The following ANKRD16 variants were observed in gnomAD, a reference collection of about 807,000 sequenced individuals.
ANKRD16 encodes ankyrin repeat domain 16, also known as ankyrin repeat domain-containing protein 16.
A neutral mutation model predicts 37.9 loss-of-function variants in ANKRD16; 35 were observed. The observed-to-expected ratio is 0.92, with a 90% CI of 0.71 to 1.23. ANKRD16 has a LOEUF of 1.23. Among genes scored for constraint, ANKRD16 ranks in the 50% most tolerant of loss-of-function variants. ANKRD16 has a pLI of 0.00. For synonymous variants in ANKRD16, 206 were observed against 197.2 expected, an observed-to-expected ratio of 1.04 and a Z score of -0.37; for missense variants, 480 against 469.9, an observed-to-expected ratio of 1.02 and a Z score of -0.20.
Position 5,885,733 on chromosome 10 carries a change from G to C in ANKRD16, c.568C>G (p.Leu190Val). 6.2e-7 allele frequency: 1 copy of C among 1,609,682 alleles called. No homozygotes were observed. The highest frequency in any genetic ancestry group is 8.5e-7 in the Non-Finnish European group (1 of 1,178,910). The change falls in exon 3 of 8, where the codon CTT becomes GTT. Residue 190 changes from leucine to valine, a missense_variant. By Grantham distance (32) the Leu-to-Val change is conservative (BLOSUM62 1). Transcript: ENST00000380094. ...CTGTATTGTTCTTACCTCTTAAGAA[G>C]CACCTTGACTGCCTCCAAATGGCCA... is the stretch of plus-strand genomic sequence containing the variant. Reference protein sequence around the residue: ...MHGHLEAVKVLLKRCQYEPDY... With the variant: ...MHGHLEAVKVVLKRCQYEPDY...
At position 5,871,964 on chromosome 10, in the gene ANKRD16, C is replaced by T. The variant is rs983201598; in HGVS notation, c.*33+6133G>A. Among the ~76,000 whole-genome samples, 1 of 152,168 alleles carries T rather than the reference C, an allele frequency of 6.6e-6. No individual in the cohort carries two copies. Among genetic ancestry groups the T allele is most frequent in the Non-Finnish European group, 1.5e-5 (1 of 68,026 alleles). Reference sequence around the variant, plus strand: ...CTCCCACCCACTCGCATGGCCCAACCTCCAGTGATCAAATCCAACAGCCGT... The same window carrying T: ...CTCCCACCCACTCGCATGGCCCAACTTCCAGTGATCAAATCCAACAGCCGT... On this transcript the variant is annotated intron_variant, in intron 7 of 7. Transcript: ENST00000380094. The surrounding 1 kb of genome is among the most constrained non-coding windows in gnomAD (Gnocchi z 4.5).
intron 7 of ANKRD16, among the ~76,000 whole-genome samples, chr10:5,873,832 G>A (rs896843221): frequency 3.3e-5 from 5 of 151,258 alleles, no homozygotes; most frequent in African/African-American, 9.7e-5. Context: ...GGTAATATAT[G>A]TTAGGTCCTC....
chr10:5,862,393 C>A lies in ANKRD16; in HGVS notation c.*332G>T. The A allele has an allele frequency of 2.3e-6, 1 of 440,760 alleles. No individual in the cohort carries two copies. The highest frequency in any genetic ancestry group is 1.6e-5 in the South Asian group (1 of 61,548). 27.3% of individuals were successfully genotyped at this position (440,760 alleles called of 1,614,324 possible). ...CAGAGGCAGAAGGCACCACCTCAATCTGGGCCTGTCTGCTGTGGCTGGTCA... is the reference window on the plus strand; with the variant it reads ...CAGAGGCAGAAGGCACCACCTCAATATGGGCCTGTCTGCTGTGGCTGGTCA... On this transcript the variant is annotated 3_prime_UTR_variant, in exon 8 of 8. Coordinates refer to ENST00000380094, the MANE Select transcript of ANKRD16 (RefSeq NM_019046.3). This position sits in a 1 kb window ranked among gnomAD's most constrained non-coding sequence, Gnocchi z 6.5.
At chr10:5,887,174 G>T (rs1333099182) in intron 2 of ANKRD16, among the ~76,000 whole-genome samples, 1 of 152,108 alleles carries the variant, frequency 6.6e-6, no homozygotes, top group East Asian at 1.9e-4. Context: ...ATTATTATTT[G>T]GTTGATGAGG....
At position 5,868,523 on chromosome 10, in the gene ANKRD16, C is replaced by T. The variant is rs577863333; in HGVS notation, c.*34-5832G>A. On this transcript the variant is annotated intron_variant, in intron 7 of 7. Transcript: ENST00000380094. This position sits in a 1 kb window ranked among gnomAD's most constrained non-coding sequence, Gnocchi z 4.9. Reference sequence around the variant, plus strand: ...CACTCTATAAAAATGCACCAATCAGCGCTCTGTGTCTAGCTAAAGGATTGT... The same window carrying T: ...CACTCTATAAAAATGCACCAATCAGTGCTCTGTGTCTAGCTAAAGGATTGT... 4.6e-5 allele frequency among the ~76,000 whole-genome samples: 7 copies of T among 152,276 alleles called. No individual in the cohort carries two copies. Among genetic ancestry groups the T allele is most frequent in the African/African-American group, 1.2e-4 (5 of 41,564 alleles).
In ANKRD16 at chr10:5,865,796, G is replaced by A. The variant is rs904453634; in HGVS notation, c.*34-3105C>T. Among the ~76,000 whole-genome samples the A allele has an allele frequency of 5.3e-5, 8 of 152,180 alleles. No individual in the cohort carries two copies. Among genetic ancestry groups the A allele is most frequent in the African/African-American group, 1.9e-4 (8 of 41,426 alleles). On this transcript the variant is annotated intron_variant, in intron 7 of 7. Transcript: ENST00000380094. This position sits in a 1 kb window ranked among gnomAD's most constrained non-coding sequence, Gnocchi z 4.7. ...TGATTTGTTGTCCCCTGCTTGAGGA[G>A]GGAATCAACCCTGAAGTCTGGGCAT... is the stretch of plus-strand genomic sequence containing the variant.
At chr10:5,872,709 A>G (rs912658575) in intron 7 of ANKRD16, among the ~76,000 whole-genome samples, 17 of 151,244 alleles carry the variant, frequency 1.1e-4, no homozygotes, top group East Asian at 6.0e-4. Context: ...GGCGCCCGCC[A>G]CCACACCCGG....
At position 5,884,002 on chromosome 10, in the gene ANKRD16, G is replaced by C. The variant is rs140216893; in HGVS notation, c.654C>G (p.Ile218Met). The C allele has an allele frequency of 6.2e-7, 1 of 1,614,086 alleles. No homozygotes were observed. The highest frequency in any genetic ancestry group is 1.7e-5 in the Admixed American group (1 of 60,032). ...CATCGAGGAGCAGCCTAGCGACGTCGATGTGCCCACACTGGATTGCGTCCA... is the reference window on the plus strand; with the variant it reads ...CATCGAGGAGCAGCCTAGCGACGTCCATGTGCCCACACTGGATTGCGTCCA... ...ALMDAIQCGHIDVARLLLDEH... is the reference protein window; with the variant it reads ...ALMDAIQCGHMDVARLLLDEH... Residue 218 changes from isoleucine to methionine, a missense_variant, in exon 4 of 8, where the codon ATC becomes ATG. Physicochemically the swap from Ile to Met is conservative, Grantham distance 10 (BLOSUM62 1). Transcript: ENST00000380094.
rs1178450234 is a variant in ANKRD16 at position 5,862,097 on chromosome 10, G to A, written c.*628C>T. The A allele has an allele frequency of 5.9e-6, 1 of 170,202 alleles. No individual in the cohort carries two copies. Among genetic ancestry groups the A allele is most frequent in the African/African-American group, 2.4e-5 (1 of 41,630 alleles). The allele number at this position is 170,202 out of a possible 1,614,324, so 10.5% of individuals were successfully genotyped here. On this transcript the variant is annotated 3_prime_UTR_variant, in exon 8 of 8. Coordinates refer to ENST00000380094, the MANE Select transcript of ANKRD16 (RefSeq NM_019046.3). The surrounding 1 kb of genome is among the most constrained non-coding windows in gnomAD (Gnocchi z 6.5). Reference sequence around the variant, plus strand: ...TTTTGTATTTTTAGTAAGAGACGGGGTTTCACCACGTTAGCCAGGATGGTC... The same window carrying A: ...TTTTGTATTTTTAGTAAGAGACGGGATTTCACCACGTTAGCCAGGATGGTC...
intron 7 of ANKRD16, among the ~76,000 whole-genome samples, chr10:5,876,710 C>T (rs776592630): frequency 5.3e-5 from 8 of 152,256 alleles, no homozygotes; most frequent in African/African-American, 1.2e-4. Context: ...TGTGCCAAAC[C>T]GAGCCCAACG....
In ANKRD16 at chr10:5,866,817, G is replaced by C. The variant is rs1219459635; in HGVS notation, c.*34-4126C>G. Among the ~76,000 whole-genome samples, 4 of 152,028 alleles carry C rather than the reference G, an allele frequency of 2.6e-5. No individual in the cohort carries two copies. The highest frequency in any genetic ancestry group is 7.2e-5 in the African/African-American group (3 of 41,386). On this transcript the variant is annotated intron_variant, in intron 7 of 7. Coordinates refer to ENST00000380094, the MANE Select transcript of ANKRD16 (RefSeq NM_019046.3). The surrounding 1 kb of genome is among the most constrained non-coding windows in gnomAD (Gnocchi z 4.3). ...GAGAGGAAGAGACAGAGACAAAGGA[G>C]TCAAAGAGGGAGACAGAGAGAGGAA...
In ANKRD16 at chr10:5,884,014, C is replaced by T. The variant is rs746783438; in HGVS notation, c.642G>A (p.Gln214=). The T allele has an allele frequency of 3.1e-6, 5 of 1,614,076 alleles. No individual in the cohort carries two copies. The African/African-American group carries it at 5.3e-5, about 17-fold the overall frequency. The stretch of plus-strand genomic sequence containing the variant: ...GCCTAGCGACGTCGATGTGCCCACA[C>T]TGGATTGCGTCCATCAAGGCGGTGA... ...CGVTALMDAI[Q]CGHIDVARLL... is the part of the protein sequence containing the mutation. Residue 214 remains glutamine, a synonymous_variant, in exon 4 of 8, where the codon CAG becomes CAA. Coordinates refer to ENST00000380094, the MANE Select transcript of ANKRD16 (RefSeq NM_019046.3).
In ANKRD16 at chr10:5,871,110, G is replaced by A. The variant is rs1470259416; in HGVS notation, c.*33+6987C>T. Reference sequence around the variant, plus strand: ...CAGTAAAAATCATGTCACGCAGCCAGGCTTGGTGGTTCACGCCTGTAATCC... The same window carrying A: ...CAGTAAAAATCATGTCACGCAGCCAAGCTTGGTGGTTCACGCCTGTAATCC... On this transcript the variant is annotated intron_variant, in intron 7 of 7. Coordinates refer to ENST00000380094, the MANE Select transcript of ANKRD16 (RefSeq NM_019046.3). The surrounding 1 kb of genome is among the most constrained non-coding windows in gnomAD (Gnocchi z 4.5). Among the ~76,000 whole-genome samples the A allele has an allele frequency of 1.3e-5, 2 of 152,182 alleles. No individual in the cohort carries two copies. The highest frequency in any genetic ancestry group is 4.1e-4 in the South Asian group (2 of 4,832).
chr10:5,885,871 CAAG>C (rs1589026067), intron 2 of ANKRD16, 106 bp from the exon 3 acceptor site: 7 of 1,129,100 alleles, frequency 6.2e-6, no homozygotes, highest in Admixed American at 5.0e-5. Context: ...TGATAGCTTA[CAAG>C]AAGGAGTCAT....
rs757388003 is a variant in ANKRD16 at position 5,878,177 on chromosome 10, T to C, written c.1039A>G (p.Arg347Gly). 5.6e-6 allele frequency: 9 copies of C among 1,614,078 alleles called. No individual in the cohort carries two copies. In the East Asian group the frequency reaches 1.1e-4, roughly 20 times the overall value. The stretch of plus-strand genomic sequence containing the variant: ...GAGCCCTGAAGGACATCTGCTCTCC[T>C]TGGGAGCTGCTGAGCCAGGGTGCCC... ...ITGTLAQQLP[R>G]RADVLQGSGH... The change falls in exon 7 of 8, where the codon AGG becomes GGG. Residue 347 changes from arginine (R) to glycine (G), a missense_variant. Physicochemically the swap from Arg to Gly is moderately radical, Grantham distance 125. Transcript: ENST00000380094. This position sits in a 1 kb window ranked among gnomAD's most constrained non-coding sequence, Gnocchi z 5.1.
At chr10:5,884,150 C>A in intron 3 of ANKRD16, 73 bp from the exon 4 acceptor site, 1 of 1,128,496 alleles carries the variant, frequency 8.9e-7, no homozygotes, top group Non-Finnish European at 1.3e-6. Context: ...GACACCTGAT[C>A]ACCTGCAGGT....
At position 5,870,191 on chromosome 10, in the gene ANKRD16, A is replaced by G. The variant is rs1842065156; in HGVS notation, c.*34-7500T>C. 2.6e-5 allele frequency among the ~76,000 whole-genome samples: 4 copies of G among 151,938 alleles called. No individual in the cohort carries two copies. In the South Asian group the frequency reaches 8.3e-4, roughly 32 times the overall value. On this transcript the variant is annotated intron_variant, in intron 7 of 7. Transcript: ENST00000380094. The surrounding 1 kb of genome is among the most constrained non-coding windows in gnomAD (Gnocchi z 5.0). ...CTCCACTGCTTCATTTGCAAGCTCC[A>G]GGTTCTGCCTTCCCATTCTCTCTCA...
intron 4 of ANKRD16, 42 bp downstream of exon 4, chr10:5,883,927 A>G: frequency 6.3e-7 from 1 of 1,574,988 alleles, no homozygotes; most frequent in African/African-American, 1.3e-5. Context: ...CCTAAAATTT[A>G]TAGGAAGAAC....
intron 7 of ANKRD16, among the ~76,000 whole-genome samples, chr10:5,876,944 T>A (rs1373297497): frequency 6.6e-6 from 1 of 152,220 alleles, no homozygotes; most frequent in Non-Finnish European, 1.5e-5. Context: ...CTTTACTCCG[T>A]TTAAGAGGCT....
Sources: allele counts gnomAD v4.1 joint callset (sites outside exome capture counted in the v4.1 genomes callset), GRCh38; gene constraint gnomAD v4.1.1; non-coding constraint Gnocchi (gnomAD v3.1); transcripts MANE v1.5; gene names NCBI Gene and HGNC (gene_info 2026-07-23, HGNC 2026-07-21).